NXPE2: variants seen among roughly 807,000 people sequenced by gnomAD.
NXPE2 encodes the protein neurexophilin and PC-esterase domain family member 2.
In NXPE2, 34 loss-of-function variants were observed where a neutral mutation model predicts 34.4. The observed-to-expected ratio is 0.99, with a 90% confidence interval of 0.75 to 1.31. The LOEUF (loss-of-function observed/expected upper bound fraction) is 1.31. NXPE2 is among the 40% of genes most tolerant of loss of function. NXPE2 has a pLI of 0.00. For missense variants in NXPE2, 649 were observed against 672.5 expected, an observed-to-expected ratio of 0.97 and a Z score of 0.39; for synonymous variants, 235 against 231.3, an observed-to-expected ratio of 1.02 and a Z score of -0.15.
chr11:114,638,751 T>C, the NXPE2 span, among the ~76,000 whole-genome samples: 1 of 152,014 alleles, frequency 6.6e-6, no homozygotes, highest in Non-Finnish European at 1.5e-5. Context: ...TTTGCCTGGG[T>C]AACAGCAGCA....
the NXPE2 span, among the ~76,000 whole-genome samples, chr11:114,733,126 T>TC: frequency 6.6e-6 from 1 of 152,188 alleles, no homozygotes; most frequent in Non-Finnish European, 1.5e-5. Context: ...TGACGGAGTC[T>TC]CGCTCTGTCA....
the NXPE2 span, among the ~76,000 whole-genome samples, chr11:114,539,705 TA>T: frequency 3.0e-3 from 454 of 152,280 alleles, 3 homozygotes; most frequent in African/African-American, 0.011. Context: ...AGGAACTATT[TA>T]AAAAATACTA....
chr11:114,788,714 A>G, the NXPE2 span, among the ~76,000 whole-genome samples: 78 of 152,294 alleles, frequency 5.1e-4, no homozygotes, highest in Non-Finnish European at 9.4e-4. Flanking sequence ...GCTCTGGTTC[A>G]GGTCCATTGT....
chr11:114,693,455 C>T (rs558185179), intron 2 of NXPE2, among the ~76,000 whole-genome samples: 18 of 152,276 alleles, frequency 1.2e-4, no homozygotes, highest in Non-Finnish European at 2.4e-4. Context: ...TGGACCGGAC[C>T]GCTGCCCATG....
At chr11:114,644,714 A>C in the NXPE2 span, among the ~76,000 whole-genome samples, 2,234 of 152,182 alleles carry the variant, frequency 0.015, 43 homozygotes, top group African/African-American at 0.051. Flanking sequence ...AATTTTATCA[A>C]ATCTCTATAA....
At chr11:114,808,820 G>A in the NXPE2 span, among the ~76,000 whole-genome samples, 12 of 152,214 alleles carry the variant, frequency 7.9e-5, no homozygotes, top group South Asian at 4.2e-4. Context: ...AGAAAAAGAG[G>A]GAATCCTGCC....
the NXPE2 span, among the ~76,000 whole-genome samples, chr11:114,576,923 A>G: frequency 6.7e-6 from 1 of 149,740 alleles, no homozygotes. Flanking sequence ...AATTGCAAAA[A>G]TAAGGAACCA....
At chr11:114,699,715 T>C (rs1175275997) in intron 3 of NXPE2, among the ~76,000 whole-genome samples, 2 of 152,192 alleles carry the variant, frequency 1.3e-5, no homozygotes, top group Non-Finnish European at 2.9e-5. Flanking sequence ...CATTATTAAT[T>C]TTCCAGTATA....
At chr11:114,678,082 A>T (rs1024030875), upstream of NXPE2, among the ~76,000 whole-genome samples, 1 of 152,100 alleles carries the variant, frequency 6.6e-6, no homozygotes, top group African/African-American at 2.4e-5. Context: ...AGCAAGAGAA[A>T]GTTTACAAAG....
chr11:114,604,536 G>A, the NXPE2 span, among the ~76,000 whole-genome samples: 24 of 151,996 alleles, frequency 1.6e-4, no homozygotes, highest in African/African-American at 5.5e-4. Context: ...TAAATAATAA[G>A]TATTTCCTTG....
At chr11:114,774,364 C>T in the NXPE2 span, among the ~76,000 whole-genome samples, 2 of 152,214 alleles carry the variant, frequency 1.3e-5, no homozygotes, top group African/African-American at 2.4e-5. Flanking sequence ...TTTAGTCCTT[C>T]GGACACAGTT....
chr11:114,540,885 T>TTTTTTTTTTTTTTTTTTTTTG, the NXPE2 span, among the ~76,000 whole-genome samples: 3 of 81,290 alleles, frequency 3.7e-5, 1 homozygote, highest in African/African-American at 9.9e-5. Context: ...TTTTTTTTTT[T>TTTTTTTTTTTTTTTTTTTTTG]GGCTTGAACA....
chr11:114,619,606 A>C, the NXPE2 span, among the ~76,000 whole-genome samples: 1 of 131,216 alleles, frequency 7.6e-6, no homozygotes, highest in Non-Finnish European at 1.6e-5. Context: ...AGTGCTTCCC[A>C]GTGGAAAATG....
the NXPE2 span, chr11:114,584,805 A>G: frequency 6.6e-6 from 1 of 152,356 alleles, no homozygotes; most frequent in Non-Finnish European, 1.5e-5. Flanking sequence ...AATTTATTAA[A>G]TATAAATAGT....
the NXPE2 span, among the ~76,000 whole-genome samples, chr11:114,646,325 A>G: frequency 6.6e-6 from 1 of 151,652 alleles, no homozygotes; most frequent in African/African-American, 2.4e-5. Context: ...ATTACAAATA[A>G]ATATAAATAA....
chr11:114,798,369 CTGTT>C, the NXPE2 span, among the ~76,000 whole-genome samples: 5 of 151,854 alleles, frequency 3.3e-5, no homozygotes, highest in South Asian at 2.1e-4. Flanking sequence ...CTCCTTCCCT[CTGTT>C]TCTTTCTTTT....
chr11:114,680,234 A>C (rs1230414158), intron 2 of NXPE2, among the ~76,000 whole-genome samples: 7 of 152,102 alleles, frequency 4.6e-5, no homozygotes, highest in Admixed American at 4.6e-4. Flanking sequence ...TACAAACATA[A>C]TCTTTCAGAA....
chr11:114,580,859 A>T, the NXPE2 span, among the ~76,000 whole-genome samples: 1 of 152,226 alleles, frequency 6.6e-6, no homozygotes, highest in African/African-American at 2.4e-5. Flanking sequence ...TTAGAGGTCC[A>T]AGATGGGCCA....
At chr11:114,745,106 G>A in the NXPE2 span, among the ~76,000 whole-genome samples, 2 of 152,138 alleles carry the variant, frequency 1.3e-5, no homozygotes, top group Admixed American at 6.5e-5. Flanking sequence ...TCTAATATTT[G>A]TAAAATTGTT....
Sources: gnomAD v4.1 joint callset for allele counts (sites outside exome capture counted in the v4.1 genomes callset) on GRCh38, gnomAD v4.1.1 for gene constraint, MANE v1.5 for transcripts, NCBI Gene and HGNC (gene_info 2026-07-23, HGNC 2026-07-21) for gene names.